SCUBE1: variants seen among roughly 807,000 people sequenced by gnomAD.
SCUBE1 encodes signal peptide, CUB and EGF-like domain-containing protein 1.
SCUBE1 carries 59 observed loss-of-function variants against 124.4 expected under a neutral mutation model. The observed-to-expected ratio is 0.47, with a 90% CI of 0.38 to 0.59. The LOEUF (loss-of-function observed/expected upper bound fraction) is 0.59, where lower values mean the gene tolerates loss of function less well. SCUBE1 is among the 20% of genes least tolerant of loss of function. SCUBE1 has a pLI of 0.00. For missense variants in SCUBE1, 1,150 were observed against 1,371.2 expected (o/e 0.84, Z 2.55); for synonymous variants, 545 against 550.9 (o/e 0.99, Z 0.15).
chr22:43,278,590 T>C (rs1286896710), intron 4 of SCUBE1, among the ~76,000 whole-genome samples: 8 of 152,120 alleles, frequency 5.3e-5, no homozygotes, highest in Non-Finnish European at 1.0e-4. Context: ...GGCACACTGA[T>C]AGGATCCTAT....
intron 3 of SCUBE1, among the ~76,000 whole-genome samples, chr22:43,308,849 C>G (rs1480896079): frequency 6.6e-6 from 1 of 152,256 alleles, no homozygotes; most frequent in East Asian, 1.9e-4. Context: ...CAGACAGGGA[C>G]CGACCCCATT....
intron 5 of SCUBE1, among the ~76,000 whole-genome samples, chr22:43,259,277 C>G (rs889432723): frequency 6.6e-6 from 1 of 152,194 alleles, no homozygotes; most frequent in Non-Finnish European, 1.5e-5. Flanking sequence ...CATCCGAACG[C>G]AAATGTGCAC....
At chr22:43,270,991 T>A (rs58281502) in intron 4 of SCUBE1, among the ~76,000 whole-genome samples, 1 of 152,096 alleles carries the variant, frequency 6.6e-6, no homozygotes, top group East Asian at 1.9e-4. Flanking sequence ...AGGGGCAGCC[T>A]CCCGGCCGCC....
intron 19 of SCUBE1, among the ~76,000 whole-genome samples, chr22:43,209,617 T>C (rs1193208315): frequency 6.6e-6 from 1 of 152,166 alleles, no homozygotes; most frequent in Non-Finnish European, 1.5e-5. Flanking sequence ...GTGTGGTGCA[T>C]GGGACGGCCG....
rs1220337921 is a variant in SCUBE1, at chr22:43,198,817, G to A, written c.*5180C>T. ...GTCCAGGGCAGCTTGTCTGCTGTCT[G>A]GGGCAGGGTGTCTGTCTATCTGCTG... On this transcript the variant is annotated 3_prime_UTR_variant, in exon 22 of 22. Transcript: ENST00000360835. The A allele has an allele frequency of 1.2e-5, 5 of 424,386 alleles. No individual in the cohort carries two copies. The highest frequency in any genetic ancestry group is 2.4e-5 in the Non-Finnish European group (5 of 209,466). 26.3% of individuals were successfully genotyped at this position (424,386 alleles called of 1,614,324 possible).
In SCUBE1 at chr22:43,234,467, C is replaced by T. The variant is rs1922678272; in HGVS notation, c.845-2592G>A. On this transcript the variant is annotated intron_variant, in intron 7 of 21. Coordinates refer to ENST00000360835, the MANE Select transcript of SCUBE1 (RefSeq NM_173050.5). This position sits in a 1 kb window ranked among gnomAD's most constrained non-coding sequence, Gnocchi z 4.4. ...CTTCCAGAGCCCCCAGCCCCATCCC[C>T]TGCCCCATCTGGGCCTGTCTGCTAA... Among the ~76,000 whole-genome samples, 1 of 152,224 alleles carries T rather than the reference C, an allele frequency of 6.6e-6. No homozygotes were observed. The highest frequency in any genetic ancestry group is 1.5e-5 in the Non-Finnish European group (1 of 68,036).
intron 4 of SCUBE1, chr22:43,272,658 G>A (rs1282866839): frequency 6.6e-6 from 1 of 152,220 alleles, no homozygotes; most frequent in African/African-American, 2.4e-5. Context: ...CCACAGTGAA[G>A]CCCGAATGGG....
At chr22:43,212,722 T>A in intron 16 of SCUBE1, 130 bp from the exon 17 acceptor site, 1 of 546,240 alleles carries the variant, frequency 1.8e-6, no homozygotes, top group Non-Finnish European at 3.0e-6. Flanking sequence ...AGGCCTGGGG[T>A]GGGGACGGGG....
intron 3 of SCUBE1, among the ~76,000 whole-genome samples, chr22:43,310,324 C>A (rs959504516): frequency 6.6e-6 from 1 of 152,114 alleles, no homozygotes; most frequent in African/African-American, 2.4e-5. Flanking sequence ...ACCTCTGTTA[C>A]CCCCCTCATT....
intron 3 of SCUBE1, among the ~76,000 whole-genome samples, chr22:43,295,855 G>A (rs140109957): frequency 3.3e-5 from 5 of 152,370 alleles, no homozygotes; most frequent in African/African-American, 1.2e-4. Flanking sequence ...CTGGGCCAGA[G>A]CACAGAGATG....
At chr22:43,262,976 C>T (rs1464235658) in intron 4 of SCUBE1, 131 bp from the exon 5 acceptor site, 2 of 927,812 alleles carry the variant, frequency 2.2e-6, no homozygotes, top group Non-Finnish European at 3.3e-6. Flanking sequence ...ATCATGCACA[C>T]ACACGCACTT....
intron 4 of SCUBE1, among the ~76,000 whole-genome samples, chr22:43,273,668 G>A (rs1924384127): frequency 7.0e-6 from 1 of 143,630 alleles, no homozygotes; most frequent in South Asian, 2.2e-4. Context: ...GAACTCCAGG[G>A]CTCAAGCAAT....
At chr22:43,291,804 A>G (rs1925371583) in intron 3 of SCUBE1, among the ~76,000 whole-genome samples, 1 of 152,174 alleles carries the variant, frequency 6.6e-6, no homozygotes, top group South Asian at 2.1e-4. Context: ...ACCTGTATTA[A>G]TTCCTTTAAT....
At chr22:43,289,592 T>G (rs1925278205) in intron 4 of SCUBE1, among the ~76,000 whole-genome samples, 1 of 152,236 alleles carries the variant, frequency 6.6e-6, no homozygotes, top group African/African-American at 2.4e-5. Context: ...TGCTTTCACT[T>G]TCTCAGGAAC....
intron 2 of SCUBE1, among the ~76,000 whole-genome samples, chr22:43,337,513 G>A (rs1927122951): frequency 6.6e-6 from 1 of 152,208 alleles, no homozygotes; most frequent in South Asian, 2.1e-4. Context: ...GGCCCTGCCA[G>A]CAGCCGGGCC....
At chr22:43,316,981 G>A (rs1454446002) in intron 3 of SCUBE1, 1 of 152,174 alleles carries the variant, frequency 6.6e-6, no homozygotes, top group African/African-American at 2.4e-5. Flanking sequence ...GAGCACTCAG[G>A]ACACCCAGTA....
rs762759473 is a variant in SCUBE1, at chr22:43,238,893, C to T, written c.789G>A (p.Val263=). Residue 263 remains valine (V), a synonymous_variant, in exon 7 of 22, where the codon GTG becomes GTA. Transcript: ENST00000360835. The part of the protein sequence containing the change: ...DRTCKDTATG[V]RCSCPVGFTL... ...TGAATCCAACGGGGCAGCTGCATCG[C>T]ACGCCAGTGGCTGTGTCCTTGCATG... 2.1e-5 allele frequency: 34 copies of T among 1,613,114 alleles called. No homozygotes were observed. Among genetic ancestry groups the T allele is most frequent in the East Asian group, 2.2e-5 (1 of 44,896 alleles).
chr22:43,209,527 G>A (rs1921447145), intron 19 of SCUBE1, among the ~76,000 whole-genome samples: 1 of 152,220 alleles, frequency 6.6e-6, no homozygotes, highest in African/African-American at 2.4e-5. Context: ...AAAGTCTCAA[G>A]AGGAGCCCTG....
chr22:43,232,861 A>G (rs1209459562), intron 7 of SCUBE1, among the ~76,000 whole-genome samples: 2 of 152,158 alleles, frequency 1.3e-5, no homozygotes, highest in African/African-American at 4.8e-5. Context: ...CTTTGCCCTT[A>G]GGCCTTGGGC....
Sources: allele counts gnomAD v4.1 joint callset (sites outside exome capture counted in the v4.1 genomes callset), GRCh38; gene constraint gnomAD v4.1.1; non-coding constraint Gnocchi (gnomAD v3.1); transcripts MANE v1.5; gene names NCBI Gene and HGNC (gene_info 2026-07-23, HGNC 2026-07-21).